The following APPBP2 variants were observed in gnomAD, a reference collection of about 807,000 sequenced individuals.
APPBP2 encodes the protein amyloid protein-binding protein 2.
APPBP2 carries 15 observed loss-of-function variants against 76.0 expected under a neutral mutation model. The ratio of observed to expected loss-of-function variants is 0.20; its 90% CI spans 0.13 to 0.30. The LOEUF is 0.30. Ranked by LOEUF, APPBP2 falls within the 10% of genes least tolerant of loss-of-function variation. The pLI, the probability that APPBP2 is intolerant of heterozygous loss-of-function variation, is 1.00. For missense variants in APPBP2, 401 were observed against 687.2 expected (o/e 0.58, Z 4.66); for synonymous variants, 222 against 242.2 (o/e 0.92, Z 0.77).
intron 3 of APPBP2, among the ~76,000 whole-genome samples, chr17:60,482,070 C>T (rs1443004953): frequency 6.6e-6 from 1 of 152,058 alleles, no homozygotes; most frequent in African/African-American, 2.4e-5. Context: ...TTAGTAGAGA[C>T]GGGTTTCTCC....
chr17:60,496,190 TTTTGTGGTGACCAAATTTTCTAGAA>T (rs1176646738), intron 2 of APPBP2, among the ~76,000 whole-genome samples: 2 of 152,224 alleles, frequency 1.3e-5, no homozygotes, highest in African/African-American at 4.8e-5. Flanking sequence ...AATGATTTCT[TTTTGTGGTGACCAAATTTTCTAGAA>T]TTAGACAGTG....
intron 9 of APPBP2, 72 bp downstream of exon 9, chr17:60,460,591 C>T: frequency 1.4e-6 from 2 of 1,476,322 alleles, no homozygotes; most frequent in South Asian, 1.3e-5. Context: ...AATAATAGTT[C>T]CCTAATGGGA....
At chr17:60,521,580 C>CT (rs58831052) in intron 1 of APPBP2, among the ~76,000 whole-genome samples, 4 of 150,148 alleles carry the variant, frequency 2.7e-5, no homozygotes, top group Non-Finnish European at 3.0e-5. Context: ...TTCAGTTACA[C>CT]TTTTTTTTTT....
intron 1 of APPBP2, among the ~76,000 whole-genome samples, chr17:60,514,349 T>C (rs1472704874): frequency 6.6e-6 from 1 of 152,044 alleles, no homozygotes; most frequent in Non-Finnish European, 1.5e-5. Flanking sequence ...CTCATACCTA[T>C]AATACCAGCA....
intron 1 of APPBP2, among the ~76,000 whole-genome samples, chr17:60,505,682 T>TG (rs1316400581): frequency 6.1e-5 from 8 of 130,880 alleles, no homozygotes; most frequent in African/African-American, 2.6e-4. Flanking sequence ...TGCGGTTTTT[T>TG]TTTTTTTTTT....
At position 60,445,556 on chromosome 17, in the gene APPBP2, T is replaced by G. The variant is rs1311691954; in HGVS notation, c.*2025A>C. On this transcript the variant is annotated 3_prime_UTR_variant, in exon 13 of 13. Coordinates refer to ENST00000083182, the MANE Select transcript of APPBP2 (RefSeq NM_006380.5). Reference sequence around the variant, plus strand: ...CTGGATTCTAAATAACCAATAAAAGTATACAAAGCCTATCCTGAAAATATC... The same window carrying G: ...CTGGATTCTAAATAACCAATAAAAGGATACAAAGCCTATCCTGAAAATATC... 2 of 152,560 alleles carry G rather than the reference T, an allele frequency of 1.3e-5. No homozygotes were observed. The highest frequency in any genetic ancestry group is 2.9e-5 in the Non-Finnish European group (2 of 68,024). 9.5% of individuals were successfully genotyped at this position (152,560 alleles called of 1,614,324 possible). A position where few individuals can be genotyped will look rare whatever the true frequency, so the allele number is the denominator to read the frequency against.
At chr17:60,462,273 T>C (rs1490953311) in intron 6 of APPBP2, 1 of 498,326 alleles carries the variant, frequency 2.0e-6, no homozygotes, top group Non-Finnish European at 3.5e-6. Context: ...TTATAAAGTT[T>C]AAAATTTTGA....
intron 6 of APPBP2, among the ~76,000 whole-genome samples, chr17:60,463,498 A>G (rs2090490351): frequency 6.6e-6 from 1 of 152,218 alleles, no homozygotes; most frequent in Non-Finnish European, 1.5e-5. Flanking sequence ...ATAAAAATGT[A>G]AAAGATTTAA....
chr17:60,490,527 T>G (rs1201883162), intron 3 of APPBP2, among the ~76,000 whole-genome samples: 1 of 152,148 alleles, frequency 6.6e-6, no homozygotes, highest in Non-Finnish European at 1.5e-5. Flanking sequence ...AAATTAGCTG[T>G]GTATGTTGAC....
At chr17:60,492,450 G>A (rs1598363362) in intron 3 of APPBP2, among the ~76,000 whole-genome samples, 1 of 152,184 alleles carries the variant, frequency 6.6e-6, no homozygotes. Context: ...GACACTCGAC[G>A]CCAGTCCGTG....
intron 2 of APPBP2, among the ~76,000 whole-genome samples, chr17:60,497,644 C>T (rs1401251037): frequency 1.3e-5 from 2 of 151,558 alleles, no homozygotes; most frequent in Non-Finnish European, 2.9e-5. Context: ...ACTATGTACC[C>T]CCAAAAACTT....
At position 60,502,556 on chromosome 17, in the gene APPBP2, A is replaced by T. The variant is rs891918735; in HGVS notation, c.139-2069T>A. ...AACTTAAGGCTTAGAATTTCTTTTT[A>T]AAAAAAGAATAAACAGGCTGGGCAT... On this transcript the variant is annotated intron_variant, in intron 1 of 12. Coordinates refer to ENST00000083182, the MANE Select transcript of APPBP2 (RefSeq NM_006380.5). Among the ~76,000 whole-genome samples, 4 of 130,790 alleles carry T rather than the reference A, an allele frequency of 3.1e-5. 1 individual carries two copies. The highest frequency in any genetic ancestry group is 1.4e-4 in the African/African-American group (3 of 21,488). The allele number at this position is 130,790 out of a possible 152,430, so 85.8% of individuals were successfully genotyped here. A position where few individuals can be genotyped will look rare whatever the true frequency, so the allele number is the denominator to read the frequency against.
chr17:60,512,105 A>ATT lies in APPBP2; in HGVS notation c.139-11620_139-11619dup, dbSNP rs199948720. Reference sequence around the variant, plus strand: ...CTTGAGGTGTTTTTTTATTATTATTATTATTTTCTTTTTTTGAGATGGAGT... The same window carrying ATT: ...CTTGAGGTGTTTTTTTATTATTATTATTTTATTTTCTTTTTTTGAGATGGAGT... On this transcript the variant is annotated intron_variant, in intron 1 of 12. Coordinates refer to ENST00000083182, the MANE Select transcript of APPBP2 (RefSeq NM_006380.5). Among the ~76,000 whole-genome samples, 267 of 139,946 alleles carry ATT rather than the reference A, an allele frequency of 1.9e-3. 3 individuals are homozygous for ATT. The highest frequency in any genetic ancestry group is 7.3e-3 in the African/African-American group (225 of 30,632). 91.8% of individuals were successfully genotyped at this position (139,946 alleles called of 152,430 possible). A position where few individuals can be genotyped will look rare whatever the true frequency, so the allele number is the denominator to read the frequency against.
At chr17:60,507,944 C>T (rs1473560843) in intron 1 of APPBP2, among the ~76,000 whole-genome samples, 1 of 151,832 alleles carries the variant, frequency 6.6e-6, no homozygotes, top group Non-Finnish European at 1.5e-5. Flanking sequence ...CACCCTGCTA[C>T]ACCCAGCCAA....
chr17:60,504,534 G>GT (rs1466503692), intron 1 of APPBP2, among the ~76,000 whole-genome samples: 2 of 152,118 alleles, frequency 1.3e-5, no homozygotes, highest in African/African-American at 4.8e-5. Context: ...GTTTTAAATG[G>GT]TAAAAAATTA....
At chr17:60,492,015 C>A (rs530036980) in intron 3 of APPBP2, among the ~76,000 whole-genome samples, 1 of 152,188 alleles carries the variant, frequency 6.6e-6, no homozygotes, top group East Asian at 1.9e-4. Context: ...CCAGGGCCCC[C>A]CTGCTGTGTG....
chr17:60,509,393 C>A (rs1040933787), intron 1 of APPBP2, among the ~76,000 whole-genome samples: 17 of 150,148 alleles, frequency 1.1e-4, no homozygotes, highest in Admixed American at 4.6e-4. Flanking sequence ...AAAAAAAAAA[C>A]ATGTTTGAAA....
chr17:60,472,088 T>C (rs1289095260), intron 4 of APPBP2, among the ~76,000 whole-genome samples: 2 of 152,182 alleles, frequency 1.3e-5, no homozygotes, highest in Non-Finnish European at 2.9e-5. Flanking sequence ...ATGGTGCCAC[T>C]GCACTCCAGC....
intron 3 of APPBP2, among the ~76,000 whole-genome samples, chr17:60,485,846 AATT>A (rs2090672318): frequency 6.6e-6 from 1 of 152,118 alleles, no homozygotes; most frequent in Non-Finnish European, 1.5e-5. Context: ...TAGTGCTATA[AATT>A]TACCTCTACA....
Sources: allele counts gnomAD v4.1 joint callset (sites outside exome capture counted in the v4.1 genomes callset), GRCh38; gene constraint gnomAD v4.1.1; transcripts MANE v1.5; gene names NCBI Gene and HGNC (gene_info 2026-07-23, HGNC 2026-07-21).